The following REV3L variants were observed in gnomAD, a reference collection of about 807,000 sequenced individuals.
REV3L encodes REV3 like, DNA directed polymerase zeta catalytic subunit.
REV3L carries 69 observed loss-of-function variants against 299.4 expected under a neutral mutation model. The ratio of observed to expected loss-of-function variants is 0.23; its 90% CI spans 0.19 to 0.28. REV3L has a LOEUF of 0.28. REV3L is among the 10% of genes least tolerant of loss of function. The pLI is 1.00. For synonymous variants in REV3L, 1,238 were observed against 1,271.4 expected (o/e 0.97, Z 0.56); for missense variants, 3,128 against 3,693.8 (o/e 0.85, Z 3.97).
At chr6:111,415,038 G>A (rs2128283416) in intron 2 of REV3L, among the ~76,000 whole-genome samples, 1 of 152,170 alleles carries the variant, frequency 6.6e-6, no homozygotes, top group East Asian at 1.9e-4. Context: ...AGTTGCTTAA[G>A]TAATCCTTTC....
chr6:111,319,844 T>C (rs1773941843), intron 26 of REV3L, among the ~76,000 whole-genome samples: 1 of 151,536 alleles, frequency 6.6e-6, no homozygotes, highest in Non-Finnish European at 1.5e-5. Flanking sequence ...TTTTTTTTTC[T>C]CTGAGATGGA....
intron 21 of REV3L, among the ~76,000 whole-genome samples, chr6:111,337,079 G>GA (rs1775975264): frequency 1.3e-5 from 2 of 151,524 alleles, no homozygotes; most frequent in Non-Finnish European, 1.5e-5. Flanking sequence ...AGGGTGGGGG[G>GA]ACTCTGGTGG....
rs1316129360 is a variant in REV3L at position 111,307,374 on chromosome 6, TCC to T, written c.9237_9238del (p.Glu3080AlafsTer14). 6.2e-7 allele frequency: 1 copy of T among 1,613,976 alleles called. No homozygotes were observed. Among genetic ancestry groups the T allele is most frequent in the Non-Finnish European group, 8.5e-7 (1 of 1,179,956 alleles). ...ACAAAACTGTACCTTTACAAGTTGC[TCC>T]TGTTGACGTTCCAACTCCCGGATTT... On this transcript the variant is annotated frameshift_variant, in exon 31 of 32. Coordinates refer to ENST00000368802, the MANE Select transcript of REV3L (RefSeq NM_001372078.1). LOFTEE classifies it high-confidence loss of function.
intron 18 of REV3L, chr6:111,356,518 T>G (rs1184105458): frequency 1.3e-5 from 2 of 152,100 alleles, no homozygotes; most frequent in Admixed American, 1.3e-4. Context: ...ATCCTACATT[T>G]ATGAACAGAT....
intron 1 of REV3L, among the ~76,000 whole-genome samples, chr6:111,470,027 T>C (rs1791989531): frequency 6.6e-6 from 1 of 152,218 alleles, no homozygotes; most frequent in Admixed American, 6.5e-5. Flanking sequence ...ATAAAAATTT[T>C]ATATCAGATT....
intron 26 of REV3L, among the ~76,000 whole-genome samples, chr6:111,318,386 C>G (rs1266725985): frequency 6.6e-6 from 1 of 151,982 alleles, no homozygotes; most frequent in Non-Finnish European, 1.5e-5. Context: ...CCCGCCTGAA[C>G]CTCCCAAAGT....
At chr6:111,393,866 G>C (rs775004843) in intron 4 of REV3L, among the ~76,000 whole-genome samples, 4 of 152,042 alleles carry the variant, frequency 2.6e-5, no homozygotes, top group Non-Finnish European at 5.9e-5. Context: ...ACATCAGTAA[G>C]AACATGTGAT....
At position 111,305,183 on chromosome 6, in the gene REV3L, C is replaced by T. The variant is rs533274629; in HGVS notation, c.9252+2178G>A. Among the ~76,000 whole-genome samples the T allele has an allele frequency of 7.0e-4, 107 of 152,100 alleles. 2 individuals carry two copies. The South Asian group carries it at 0.019, about 27-fold the overall frequency. ...CTCGAACTCCCGACCTCACGTGATC[C>T]GCCCGCCTCGGCCTCCGAAAGTGCT... On this transcript the variant is annotated intron_variant, in intron 31 of 31. Transcript: ENST00000368802.
rs1237546355 is a variant in REV3L at position 111,363,991 on chromosome 6, AC to A, written c.6754-14del. ...CTGCAAATTGATTCTATAAAAAAAA[AC>A]ACACACACACACAGCCAGAAAAAGA... On this transcript the variant is annotated splice_polypyrimidine_tract_variant and intron_variant, in intron 15 of 31. Coordinates refer to ENST00000368802, the MANE Select transcript of REV3L (RefSeq NM_001372078.1). The A allele has an allele frequency of 4.2e-5, 63 of 1,512,052 alleles. No homozygotes were observed. The highest frequency in any genetic ancestry group is 1.5e-4 in the Admixed American group (8 of 51,798). The allele number at this position is 1,512,052 out of a possible 1,614,324, so 93.7% of individuals were successfully genotyped here. A position where few individuals can be genotyped will look rare whatever the true frequency, so the allele number is the denominator to read the frequency against.
chr6:111,359,388 C>A (rs1778411470), intron 16 of REV3L, among the ~76,000 whole-genome samples: 1 of 151,896 alleles, frequency 6.6e-6, no homozygotes, highest in South Asian at 2.1e-4. Flanking sequence ...TATAGTTTTA[C>A]CTGTAGTTTA....
chr6:111,318,141 G>A (rs1773734630), intron 26 of REV3L, among the ~76,000 whole-genome samples: 2 of 151,374 alleles, frequency 1.3e-5, no homozygotes. Flanking sequence ...AGGCTGGGGT[G>A]CAGTGGCGCG....
At chr6:111,475,022 C>T (rs11966737) in intron 1 of REV3L, among the ~76,000 whole-genome samples, 1 of 142,548 alleles carries the variant, frequency 7.0e-6, no homozygotes, top group African/African-American at 2.5e-5. Context: ...CACACACACA[C>T]ATATGGATTT....
At chr6:111,419,501 G>A (rs959925324) in intron 1 of REV3L, among the ~76,000 whole-genome samples, 4 of 152,152 alleles carry the variant, frequency 2.6e-5, no homozygotes, top group African/African-American at 9.7e-5. Context: ...TCACACAAAT[G>A]TGTGGAGATA....
chr6:111,381,177 T>G, intron 10 of REV3L, 148 bp downstream of exon 10: 1 of 745,336 alleles, frequency 1.3e-6, no homozygotes, highest in Non-Finnish European at 2.1e-6. Context: ...CTTGATTTAA[T>G]GCAAGGTTTC....
At chr6:111,365,989 G>T (rs1370300596) in intron 14 of REV3L, among the ~76,000 whole-genome samples, 1 of 152,162 alleles carries the variant, frequency 6.6e-6, no homozygotes, top group Non-Finnish European at 1.5e-5. Flanking sequence ...ATAGATCTGG[G>T]TTACTTGGGA....
At chr6:111,377,556 C>T (rs974703467) in intron 12 of REV3L, 145 bp downstream of exon 12, 10 of 811,932 alleles carry the variant, frequency 1.2e-5, no homozygotes, top group South Asian at 5.8e-5. Flanking sequence ...AGGCTGGTCT[C>T]GAACTCCTGA....
At chr6:111,323,277 C>T (rs536915773) in intron 25 of REV3L, among the ~76,000 whole-genome samples, 15 of 152,276 alleles carry the variant, frequency 9.9e-5, no homozygotes, top group African/African-American at 2.6e-4. Context: ...CGTGAGCCAC[C>T]GTGCCCGACC....
chr6:111,375,365 A>G lies in REV3L; in HGVS notation c.2990T>C (p.Ile997Thr), dbSNP rs1293493820. 2 of 1,589,720 alleles carry G rather than the reference A, an allele frequency of 1.3e-6. No individual in the cohort carries two copies. Among genetic ancestry groups the G allele is most frequent in the Non-Finnish European group, 1.7e-6 (2 of 1,172,658 alleles). The change falls in exon 13 of 32, where the codon ATA becomes ACA. Residue 997 changes from isoleucine to threonine, a missense_variant. Physicochemically the swap from Ile to Thr is moderately conservative, Grantham distance 89. Transcript: ENST00000368802. ...TATTACTTGTTTTTCTTTAGAGTCT[A>G]TTTTTCCTAGCTTCACAAGCATATT... ...RKNMLVKLGK[I>T]DSKEKQVILT...
intron 31 of REV3L, among the ~76,000 whole-genome samples, chr6:111,301,103 C>G (rs889172903): frequency 1.3e-5 from 2 of 151,880 alleles, no homozygotes; most frequent in East Asian, 3.9e-4. Flanking sequence ...CTGGGAGTGT[C>G]TGTCTTATGC....
Sources: allele counts gnomAD v4.1 joint callset (sites outside exome capture counted in the v4.1 genomes callset), GRCh38; gene constraint gnomAD v4.1.1; transcripts MANE v1.5; gene names NCBI Gene and HGNC (gene_info 2026-07-23, HGNC 2026-07-21).